RP1L1: variants seen among roughly 807,000 people sequenced by gnomAD.
The protein encoded by RP1L1 is RP1 like 1.
A neutral mutation model predicts 15.7 loss-of-function variants in RP1L1; 27 were observed. The ratio of observed to expected loss-of-function variants is 1.72; its 90% CI spans 1.27 to 2.38. RP1L1 has a LOEUF of 2.38. Among genes scored for constraint, RP1L1 ranks in the 30% most tolerant of loss-of-function variants. The pLI, the probability that RP1L1 is intolerant of heterozygous loss-of-function variation, is 0.00. For synonymous variants in RP1L1, 1,813 were observed against 1,276.7 expected, an observed-to-expected ratio of 1.42 and a Z score of -8.96; for missense variants, 4,798 against 3,075.9, an observed-to-expected ratio of 1.56 and a Z score of -13.24.
intron 2 of RP1L1, among the ~76,000 whole-genome samples, chr8:10,618,891 G>C (rs1798014712): frequency 6.6e-6 from 1 of 151,880 alleles, no homozygotes; most frequent in South Asian, 2.1e-4. Flanking sequence ...TTCTGAGATG[G>C]AGTCCTGCTG....
Position 10,612,447 on chromosome 8 carries a change from G to T in RP1L1, c.1651C>A (p.Arg551=), listed in dbSNP as rs372698666. 6.2e-7 allele frequency: 1 copy of T among 1,612,560 alleles called. No individual in the cohort carries two copies. The highest frequency in any genetic ancestry group is 8.5e-7 in the Non-Finnish European group (1 of 1,180,006). ...SHEGSSEWGG[R]PQGCPGKARA... ...GCCTTGCCTGGACAGCCCTGGGGCC[G>T]CCCACCCCATTCGCTGGATCCCTCA... The change falls in exon 4 of 4, where the codon CGG becomes AGG. Residue 551 remains arginine, a synonymous_variant. Transcript: ENST00000382483.
In RP1L1 at chr8:10,609,113, C is replaced by A; in HGVS notation, c.4985G>T (p.Cys1662Phe). 1 of 1,613,460 alleles carries A rather than the reference C, an allele frequency of 6.2e-7. No homozygotes were observed. Among genetic ancestry groups the A allele is most frequent in the South Asian group, 1.1e-5 (1 of 91,052 alleles). ...CATAGGGCTCACTTTCTTCCTCACG[C>A]AGGCCTCGCAGGGACAGAACTCCTC... ...EGEEFCPCEA[C>F]VRKKVSPMSP... Residue 1662 changes from cysteine to phenylalanine, a missense_variant, in exon 4 of 4, where the codon TGC (cysteine) becomes TTC (phenylalanine). Cys to Phe is a radical substitution (Grantham distance 205). Coordinates refer to ENST00000382483, the MANE Select transcript of RP1L1 (RefSeq NM_178857.6).
chr8:10,643,990 G>T (rs567232712), intron 1 of RP1L1, among the ~76,000 whole-genome samples: 1 of 152,034 alleles, frequency 6.6e-6, no homozygotes, highest in Admixed American at 6.5e-5. Context: ...TGCTCAAGGG[G>T]GAAGTAGAAC....
chr8:10,613,026 C>A lies in RP1L1; in HGVS notation c.1072G>T (p.Val358Phe), dbSNP rs369667634. The A allele has an allele frequency of 6.2e-7, 1 of 1,613,434 alleles. No homozygotes were observed. Reference protein sequence around the residue: ...ALTAASGEDPVLGEVDPLCCV... With the variant: ...ALTAASGEDPFLGEVDPLCCV... ...CAGAGGGGGTCTACCTCCCCCAGAA[C>A]GGGGTCTTCCCCACTGGCTGCCGTG... Residue 358 changes from valine (V) to phenylalanine (F), a missense_variant, in exon 4 of 4, where the codon GTT (valine) becomes TTT (phenylalanine). Transcript: ENST00000382483.
At position 10,607,887 on chromosome 8, in the gene RP1L1, C is replaced by G; in HGVS notation, c.6211G>C (p.Val2071Leu). 1 of 1,595,196 alleles carries G rather than the reference C, an allele frequency of 6.3e-7. No homozygotes were observed. Among genetic ancestry groups the G allele is most frequent in the South Asian group, 1.1e-5 (1 of 90,212 alleles). ...EEEAQEAEGE[V>L]QEAEGEAHPE... ...TGGGCCTCCCCTTCTGCCTCCTGGA[C>G]CTCCCCTTCAGCCTCCTGTGCCTCC... The change falls in exon 4 of 4, where the codon GTC becomes CTC. Residue 2071 changes from valine (V) to leucine (L), a missense_variant. Physicochemically the swap from Val to Leu is conservative, Grantham distance 32. Transcript: ENST00000382483.
At chr8:10,635,358 C>G (rs898745344) in intron 1 of RP1L1, among the ~76,000 whole-genome samples, 1 of 152,230 alleles carries the variant, frequency 6.6e-6, no homozygotes, top group Admixed American at 6.5e-5. Context: ...AATCCCTGGT[C>G]TTCTTCACCC....
chr8:10,621,990 C>A (rs1460677366), intron 2 of RP1L1, among the ~76,000 whole-genome samples: 1 of 152,104 alleles, frequency 6.6e-6, no homozygotes, highest in African/African-American at 2.4e-5. Flanking sequence ...TACACTGAAC[C>A]CCTGCAATAA....
chr8:10,619,789 AAAC>A (rs1309405542), intron 2 of RP1L1, among the ~76,000 whole-genome samples: 1 of 151,550 alleles, frequency 6.6e-6, no homozygotes, highest in African/African-American at 2.4e-5. Context: ...AACCCAAAAC[AAAC>A]AACAACAACA....
At position 10,612,797 on chromosome 8, in the gene RP1L1, C is replaced by A. The variant is rs1193634789; in HGVS notation, c.1301G>T (p.Cys434Phe). ...AGTCCCGTGGCCCCACAGGCCACTG[C>A]AGCGGACGTGCTGGGCCAGTCCCCA... ...KRWGLAQHVRCSGLWGHGTAG... is the reference protein window; with the variant it reads ...KRWGLAQHVRFSGLWGHGTAG... Residue 434 changes from cysteine to phenylalanine, a missense_variant, in exon 4 of 4, where the codon TGC becomes TTC. Coordinates refer to ENST00000382483, the MANE Select transcript of RP1L1 (RefSeq NM_178857.6). 8.1e-6 allele frequency: 13 copies of A among 1,611,024 alleles called. No individual in the cohort carries two copies. In the East Asian group the frequency reaches 2.9e-4, roughly 36 times the overall value.
Position 10,610,598 on chromosome 8 carries a change from T to C in RP1L1, c.3500A>G (p.Gln1167Arg). The change falls in exon 4 of 4, where the codon CAG becomes CGG. Residue 1167 changes from glutamine to arginine, a missense_variant. Physicochemically the swap from Gln to Arg is conservative, Grantham distance 43. Coordinates refer to ENST00000382483, the MANE Select transcript of RP1L1 (RefSeq NM_178857.6). Reference protein sequence around the residue: ...LWPGCDVGEDQLDSGLWELTW... With the variant: ...LWPGCDVGEDRLDSGLWELTW... ...GAGCTCCCAGAGGCCTGAGTCCAGCTGGTCTTCCCCAACGTCACATCCTGG... is the reference window on the plus strand; with the variant it reads ...GAGCTCCCAGAGGCCTGAGTCCAGCCGGTCTTCCCCAACGTCACATCCTGG... 10 of 1,613,576 alleles carry C rather than the reference T, an allele frequency of 6.2e-6. No individual in the cohort carries two copies. Among genetic ancestry groups the C allele is most frequent in the Non-Finnish European group, 8.5e-6 (10 of 1,180,022 alleles).
rs752688893 is a variant in RP1L1, at chr8:10,606,992, C to T, written c.7106G>A (p.Gly2369Asp). 2 of 1,614,108 alleles carry T rather than the reference C, an allele frequency of 1.2e-6. No homozygotes were observed. The highest frequency in any genetic ancestry group is 1.7e-5 in the Admixed American group (1 of 60,014). ...TGCCTGGTCCTCTTGTAGGTCATAA[C>T]CTTCACTGGCCCCCTGCTCTGGAGT... Reference protein sequence around the residue: ...SRTPEQGASEGYDLQEDQALG... With the variant: ...SRTPEQGASEDYDLQEDQALG... The change falls in exon 4 of 4, where the codon GGT becomes GAT. Residue 2369 changes from glycine (G) to aspartate (D), a missense_variant. By Grantham distance (94) the Gly-to-Asp change is moderately conservative (BLOSUM62 -1). Transcript: ENST00000382483.
At chr8:10,651,757 A>G in intron 1 of RP1L1, among the ~76,000 whole-genome samples, 1 of 130,244 alleles carries the variant, frequency 7.7e-6, no homozygotes, top group African/African-American at 2.8e-5. Context: ...CTCCGTCTTA[A>G]AAAAAAAAAA....
chr8:10,653,660 C>CAT (rs1379077816), intron 1 of RP1L1, among the ~76,000 whole-genome samples: 2 of 151,732 alleles, frequency 1.3e-5, no homozygotes, highest in Non-Finnish European at 2.9e-5. Context: ...CACGCATACA[C>CAT]ACACACACAC....
chr8:10,621,229 G>C (rs570028157), intron 2 of RP1L1: 334 of 155,198 alleles, frequency 2.2e-3, no homozygotes, highest in Non-Finnish European at 3.6e-3. Flanking sequence ...GTGGGGAGAA[G>C]GTGAACGTGT....
Position 10,610,849 on chromosome 8 carries a change from C to G in RP1L1, c.3249G>C (p.Thr1083=). Residue 1083 remains threonine, a synonymous_variant, in exon 4 of 4, where the codon ACG becomes ACC. Transcript: ENST00000382483. ...AGCCCATCAGCGCCCTCATGATCTG[C>G]GTGGAGGCAGACACCCGGCCAGGAA... The part of the protein sequence containing the change: ...RALPGRVSAS[T]QIMRALMGSK... 1.9e-6 allele frequency: 3 copies of G among 1,608,234 alleles called. No individual in the cohort carries two copies. The highest frequency in any genetic ancestry group is 2.5e-6 in the Non-Finnish European group (3 of 1,176,914).
intron 1 of RP1L1, among the ~76,000 whole-genome samples, chr8:10,635,102 G>A (rs921256072): frequency 5.3e-5 from 8 of 152,218 alleles, no homozygotes; most frequent in Non-Finnish European, 1.0e-4. Flanking sequence ...ACCGGGGAGG[G>A]AACAGGTAGA....
intron 1 of RP1L1, among the ~76,000 whole-genome samples, chr8:10,644,461 A>T (rs1348918398): frequency 6.6e-6 from 1 of 152,190 alleles, no homozygotes; most frequent in African/African-American, 2.4e-5. Context: ...ACCAGGCCAC[A>T]TGGGTGTAAG....
At chr8:10,643,273 G>T (rs940038007) in intron 1 of RP1L1, among the ~76,000 whole-genome samples, 4 of 152,194 alleles carry the variant, frequency 2.6e-5, no homozygotes, top group Middle Eastern at 3.2e-3. Flanking sequence ...CTGGGAGGTG[G>T]AGGCTGTGGT....
intron 1 of RP1L1, among the ~76,000 whole-genome samples, chr8:10,634,551 C>T (rs1360456817): frequency 6.6e-6 from 1 of 152,168 alleles, no homozygotes; most frequent in East Asian, 1.9e-4. Context: ...GTTTCCATTT[C>T]CATCCGGGGA....
Sources: gnomAD v4.1 joint callset for allele counts (sites outside exome capture counted in the v4.1 genomes callset) on GRCh38, gnomAD v4.1.1 for gene constraint, MANE v1.5 for transcripts, NCBI Gene and HGNC (gene_info 2026-07-23, HGNC 2026-07-21) for gene names.